PTPRM: variants seen among roughly 807,000 people sequenced by gnomAD.
The protein encoded by PTPRM is protein tyrosine phosphatase receptor type M.
Under a neutral mutation model 186.7 loss-of-function variants are expected in PTPRM, and 47 were observed. The observed-to-expected ratio is 0.25, with a 90% CI of 0.20 to 0.32. The LOEUF is 0.32. Among genes scored for constraint, PTPRM ranks in the 10% least tolerant of loss-of-function variants. PTPRM has a pLI of 1.00. For missense variants in PTPRM, 1,494 were observed against 1,865.0 expected (o/e 0.80, Z 3.66); for synonymous variants, 668 against 674.9 (o/e 0.99, Z 0.16).
At chr18:8,036,284 A>T (rs958011735) in intron 7 of PTPRM, among the ~76,000 whole-genome samples, 4 of 152,266 alleles carry the variant, frequency 2.6e-5, no homozygotes, top group African/African-American at 9.6e-5. Flanking sequence ...GATTTGTCCC[A>T]AACAGCATCT....
At chr18:7,886,526 T>C (rs1257930686) in intron 2 of PTPRM, among the ~76,000 whole-genome samples, 1 of 152,216 alleles carries the variant, frequency 6.6e-6, no homozygotes, top group Non-Finnish European at 1.5e-5. Flanking sequence ...TTAAAATAGC[T>C]ACTATAATTT....
intron 22 of PTPRM, among the ~76,000 whole-genome samples, chr18:8,337,165 T>C (rs1416648061): frequency 2.0e-5 from 3 of 152,150 alleles, no homozygotes; most frequent in South Asian, 4.1e-4. Context: ...TAGATCGTCT[T>C]TATGTATCTC....
At chr18:7,590,554 A>T (rs1463442381) in intron 1 of PTPRM, among the ~76,000 whole-genome samples, 2 of 152,202 alleles carry the variant, frequency 1.3e-5, no homozygotes, top group East Asian at 3.9e-4. Flanking sequence ...TTATTTGGAG[A>T]AGTAAAAAAA....
At chr18:7,716,604 C>A (rs60773019) in intron 1 of PTPRM, among the ~76,000 whole-genome samples, 2,193 of 152,284 alleles carry the variant, frequency 0.014, 54 homozygotes, top group East Asian at 0.13. Flanking sequence ...GGGCTAATAT[C>A]TAGAATCTGC....
At chr18:7,660,344 A>T (rs1285484514) in intron 1 of PTPRM, among the ~76,000 whole-genome samples, 1 of 151,910 alleles carries the variant, frequency 6.6e-6, no homozygotes, top group African/African-American at 2.4e-5. Flanking sequence ...TCAAAAAAAA[A>T]AATAATAAAA....
chr18:8,297,204 ATAAT>A (rs1301565099), intron 20 of PTPRM, among the ~76,000 whole-genome samples: 2 of 152,234 alleles, frequency 1.3e-5, no homozygotes, highest in African/African-American at 2.4e-5. Flanking sequence ...GTCGCCTAAC[ATAAT>A]TAATACTATT....
chr18:8,363,566 T>C (rs1362523206), intron 23 of PTPRM, among the ~76,000 whole-genome samples: 1 of 152,226 alleles, frequency 6.6e-6, no homozygotes, highest in Non-Finnish European at 1.5e-5. Flanking sequence ...CAGAGTAATC[T>C]GTAGAGTAGT....
intron 2 of PTPRM, among the ~76,000 whole-genome samples, chr18:7,841,824 A>G (rs77061179): frequency 1.2e-3 from 176 of 152,324 alleles, no homozygotes; most frequent in African/African-American, 4.1e-3. Flanking sequence ...GAAATTTTAT[A>G]GGATGAAACT....
chr18:7,918,408 C>A (rs2050685016), intron 4 of PTPRM, among the ~76,000 whole-genome samples: 1 of 152,116 alleles, frequency 6.6e-6, no homozygotes, highest in African/African-American at 2.4e-5. Context: ...CCGTTACTCC[C>A]TGTCATTTTG....
chr18:7,793,158 T>C (rs1055753084), intron 2 of PTPRM, among the ~76,000 whole-genome samples: 5 of 151,740 alleles, frequency 3.3e-5, no homozygotes, highest in Non-Finnish European at 7.4e-5. Context: ...TATTGAAGTG[T>C]TAGGGTGTGG....
Position 8,314,765 on chromosome 18 carries a change from C to T in PTPRM, c.2843-16C>T. On this transcript the variant is annotated splice_polypyrimidine_tract_variant and intron_variant, in intron 20 of 32. Transcript: ENST00000580170. ...GCTTTTGTTAATCGTTATTTTCTGT[C>T]CCTTTTCCTTTGCAGACGATCATTC... 1 of 1,605,678 alleles carries T rather than the reference C, an allele frequency of 6.2e-7. No individual in the cohort carries two copies. The highest frequency in any genetic ancestry group is 8.5e-7 in the Non-Finnish European group (1 of 1,173,916).
chr18:8,206,628 G>T (rs1386532054), intron 14 of PTPRM, among the ~76,000 whole-genome samples: 1 of 152,100 alleles, frequency 6.6e-6, no homozygotes, highest in Non-Finnish European at 1.5e-5. Context: ...AGAAAAATAG[G>T]CAAAGGACAT....
intron 2 of PTPRM, among the ~76,000 whole-genome samples, chr18:7,867,494 A>G (rs2047769442): frequency 6.6e-6 from 1 of 152,256 alleles, no homozygotes; most frequent in South Asian, 2.1e-4. Context: ...TGGGTTGAAA[A>G]TTCTTTTCTT....
At chr18:8,344,486 T>G (rs2095494883) in intron 23 of PTPRM, among the ~76,000 whole-genome samples, 1 of 131,456 alleles carries the variant, frequency 7.6e-6, no homozygotes, top group South Asian at 2.4e-4. Context: ...CTAGCAAAAA[T>G]GGCACATTAA....
At chr18:8,107,584 T>C (rs1410484151) in intron 11 of PTPRM, among the ~76,000 whole-genome samples, 1 of 152,222 alleles carries the variant, frequency 6.6e-6, no homozygotes, top group South Asian at 2.1e-4. Context: ...AGTAACTTAC[T>C]GATGCCAGGC....
intron 1 of PTPRM, among the ~76,000 whole-genome samples, chr18:7,604,969 AT>A (rs147867068): frequency 0.016 from 2,498 of 152,288 alleles, 79 homozygotes; most frequent in African/African-American, 0.058. Flanking sequence ...AGAGTTTTGA[AT>A]TTTCTTTCTT....
rs528338443 is a variant in PTPRM, at chr18:7,657,746, A to G, written c.73+89855A>G. ...GGCTGCTTAAAAAAGCAGCAGTGAA[A>G]TGAAAAGGTGTTGCATTTTTGTTTC... is the stretch of plus-strand genomic sequence containing the variant. On this transcript the variant is annotated intron_variant, in intron 1 of 32. Transcript: ENST00000580170. 7.2e-5 allele frequency among the ~76,000 whole-genome samples: 11 copies of G among 152,356 alleles called. No homozygotes were observed. In the East Asian group the frequency reaches 7.7e-4, roughly 11 times the overall value.
At chr18:8,372,900 A>G (rs1411952291) in intron 24 of PTPRM, among the ~76,000 whole-genome samples, 2 of 152,128 alleles carry the variant, frequency 1.3e-5, no homozygotes, top group Non-Finnish European at 2.9e-5. Flanking sequence ...ATAAGCTGAA[A>G]ATGCACCTCT....
chr18:8,057,083 A>C (rs1275850602), intron 7 of PTPRM, among the ~76,000 whole-genome samples: 2 of 151,220 alleles, frequency 1.3e-5, no homozygotes, highest in African/African-American at 4.9e-5. Context: ...TGCAAAAAAT[A>C]GTAGCATTTT....
Sources: gnomAD v4.1 joint callset for allele counts (sites outside exome capture counted in the v4.1 genomes callset) on GRCh38, gnomAD v4.1.1 for gene constraint, MANE v1.5 for transcripts, NCBI Gene and HGNC (gene_info 2026-07-23, HGNC 2026-07-21) for gene names.